Variants in DNAAF3 observed in about 807,000 individuals in gnomAD.
DNAAF3 encodes the protein dynein axonemal assembly factor 3, also known as UPF0470 protein C19orf51.
A neutral mutation model predicts 50.9 loss-of-function variants in DNAAF3; 40 were observed. The ratio of observed to expected loss-of-function variants is 0.79; its 90% CI spans 0.61 to 1.02. The LOEUF (loss-of-function observed/expected upper bound fraction) is 1.02. DNAAF3 is among the 50% of genes least tolerant of loss of function. The pLI, the probability that DNAAF3 is intolerant of heterozygous loss-of-function variation, is 0.00. For synonymous variants in DNAAF3, 327 were observed against 322.8 expected, an observed-to-expected ratio of 1.01 and a Z score of -0.14; for missense variants, 763 against 744.7, an observed-to-expected ratio of 1.02 and a Z score of -0.29.
In DNAAF3 at chr19:55,161,820, G is replaced by GCGGAA. The variant is rs1184154850; in HGVS notation, c.481_485dup (p.Glu163SerfsTer26). 7.0e-7 allele frequency: 1 copy of GCGGAA among 1,436,968 alleles called. No homozygotes were observed. Among genetic ancestry groups the GCGGAA allele is most frequent in the African/African-American group, 1.5e-5 (1 of 68,424 alleles). 89.0% of individuals were successfully genotyped at this position (1,436,968 alleles called of 1,614,324 possible). On this transcript the variant is annotated frameshift_variant, in exon 6 of 12. Coordinates refer to ENST00000524407, the MANE Select transcript of DNAAF3 (RefSeq NM_001256715.2). LOFTEE classifies it high-confidence loss of function. This position sits in a 1 kb window ranked among gnomAD's most constrained non-coding sequence, Gnocchi z 6.4. ...ATACGGCCTCCAGGGCATCCCGCTCGCGGAACTGCGGGGCCAGGCACGCGG... is the reference window on the plus strand; with the variant it reads ...ATACGGCCTCCAGGGCATCCCGCTCGCGGAACGGAACTGCGGGGCCAGGCACGCGG...
rs981904479 is a variant in DNAAF3, at chr19:55,161,019, G to A, written c.912+46C>T. 5.3e-6 allele frequency: 8 copies of A among 1,499,358 alleles called. No homozygotes were observed. In the Admixed American group the frequency reaches 6.4e-5, roughly 12 times the overall value. The allele number at this position is 1,499,358 out of a possible 1,614,324, so 92.9% of individuals were successfully genotyped here. ...GGGGGCGGGGCCTTGCGCACCCACCGACCCCCAGCCCCACCTCTACCCCCA... is the reference window on the plus strand; with the variant it reads ...GGGGGCGGGGCCTTGCGCACCCACCAACCCCCAGCCCCACCTCTACCCCCA... On this transcript the variant is annotated intron_variant, in intron 8 of 11. Coordinates refer to ENST00000524407, the MANE Select transcript of DNAAF3 (RefSeq NM_001256715.2). The surrounding 1 kb of genome is among the most constrained non-coding windows in gnomAD (Gnocchi z 6.4).
rs761934655 is a variant in DNAAF3, at chr19:55,159,290, G to A, written c.1398C>T (p.Val466=). The A allele has an allele frequency of 1.2e-6, 2 of 1,614,136 alleles. No homozygotes were observed. The highest frequency in any genetic ancestry group is 1.7e-6 in the Non-Finnish European group (2 of 1,180,048). ...GCGGAGTTCCGGGTTCCACAGCTGG[G>A]ACAGTGTTGCCCAGAGCTGATTCCT... is the stretch of plus-strand genomic sequence containing the variant. ...KSQESALGNT[V]PAVEPGTPPL... Residue 466 remains valine, a synonymous_variant, in exon 12 of 12, where the codon GTC becomes GTT. Coordinates refer to ENST00000524407, the MANE Select transcript of DNAAF3 (RefSeq NM_001256715.2).
chr19:55,166,586 C>G lies in DNAAF3; in HGVS notation c.-68G>C, dbSNP rs951115972. 5 of 1,614,072 alleles carry G rather than the reference C, an allele frequency of 3.1e-6. No individual in the cohort carries two copies. In the African/African-American group the frequency reaches 6.7e-5, roughly 22 times the overall value. ...TGCTCAGTGCAGCACTGTGGACCCG[C>G]GGCACTCCACAACCGCTGCCCAGAG... On this transcript the variant is annotated 5_prime_UTR_variant, in exon 1 of 12. Coordinates refer to ENST00000524407, the MANE Select transcript of DNAAF3 (RefSeq NM_001256715.2). This position sits in a 1 kb window ranked among gnomAD's most constrained non-coding sequence, Gnocchi z 4.0.
rs2085801859 is a variant in DNAAF3, at chr19:55,160,479, T to C, written c.1048+161A>G. Among the ~76,000 whole-genome samples, 1 of 152,228 alleles carries C rather than the reference T, an allele frequency of 6.6e-6. No individual in the cohort carries two copies. The highest frequency in any genetic ancestry group is 2.1e-4 in the South Asian group (1 of 4,834). ...CTAGTGGAATTCAGAATTCTAAGCA[T>C]GCTCTCAGAATTTAGGAAAGGGAGA... On this transcript the variant is annotated intron_variant, in intron 9 of 11. Transcript: ENST00000524407. The surrounding 1 kb of genome is among the most constrained non-coding windows in gnomAD (Gnocchi z 4.7).
chr19:55,162,872 A>G (rs1243244083), intron 4 of DNAAF3: 1 of 188,212 alleles, frequency 5.3e-6, no homozygotes, highest in East Asian at 1.9e-4. Context: ...TTGTGCCATC[A>G]TAGTTCACTG....
At position 55,162,298 on chromosome 19, in the gene DNAAF3, G is replaced by T; in HGVS notation, c.323-8C>A. On this transcript the variant is annotated splice_polypyrimidine_tract_variant and splice_region_variant and intron_variant, in intron 4 of 11. Transcript: ENST00000524407. ...GGAAGGTCTCGCTTCGCTCTACGGA[G>T]AGAGGGAGATAATTGCGGGAATGTG... 8.0e-7 allele frequency: 1 copy of T among 1,250,148 alleles called. No individual in the cohort carries two copies. Among genetic ancestry groups the T allele is most frequent in the Non-Finnish European group, 1.0e-6 (1 of 988,662 alleles). 77.4% of individuals were successfully genotyped at this position (1,250,148 alleles called of 1,614,324 possible).
chr19:55,161,019 G>T lies in DNAAF3; in HGVS notation c.912+46C>A, dbSNP rs981904479. ...GGGGGCGGGGCCTTGCGCACCCACC[G>T]ACCCCCAGCCCCACCTCTACCCCCA... is the stretch of plus-strand genomic sequence containing the variant. On this transcript the variant is annotated intron_variant, in intron 8 of 11. Transcript: ENST00000524407. The surrounding 1 kb of genome is among the most constrained non-coding windows in gnomAD (Gnocchi z 6.4). The T allele has an allele frequency of 5.3e-6, 8 of 1,499,472 alleles. No individual in the cohort carries two copies. Among genetic ancestry groups the T allele is most frequent in the Non-Finnish European group, 7.1e-6 (8 of 1,125,146 alleles). The allele number at this position is 1,499,472 out of a possible 1,614,324, so 92.9% of individuals were successfully genotyped here.
In DNAAF3 at chr19:55,166,551, C is replaced by G; in HGVS notation, c.-33G>C. On this transcript the variant is annotated 5_prime_UTR_variant, in exon 1 of 12. Coordinates refer to ENST00000524407, the MANE Select transcript of DNAAF3 (RefSeq NM_001256715.2). The surrounding 1 kb of genome is among the most constrained non-coding windows in gnomAD (Gnocchi z 4.0). ...TATCCTCCAAATATCCCGGGACGCCCCTTCCTCTCTGCTCAGTGCAGCACT... is the reference window on the plus strand; with the variant it reads ...TATCCTCCAAATATCCCGGGACGCCGCTTCCTCTCTGCTCAGTGCAGCACT... 6.2e-7 allele frequency: 1 copy of G among 1,614,222 alleles called. No individual in the cohort carries two copies.
rs375666880 is a variant in DNAAF3, at chr19:55,160,711, C to T, written c.977G>A (p.Arg326His). 16 of 1,613,210 alleles carry T rather than the reference C, an allele frequency of 9.9e-6. No homozygotes were observed. The highest frequency in any genetic ancestry group is 1.6e-4 in the Middle Eastern group (1 of 6,082). ...ELLRDVAAWG[R>H]ARATGGDLEE... ...CAGGTCCCCCCCGGTGGCTCTCGCG[C>T]GCCCCCAGGCGGCCACGTCGCGGAG... Residue 326 changes from arginine to histidine, a missense_variant, in exon 9 of 12, where the codon CGC becomes CAC. Physicochemically the swap from Arg to His is conservative, Grantham distance 29. Coordinates refer to ENST00000524407, the MANE Select transcript of DNAAF3 (RefSeq NM_001256715.2). The surrounding 1 kb of genome is among the most constrained non-coding windows in gnomAD (Gnocchi z 4.7).
At chr19:55,159,497 C>T in intron 11 of DNAAF3, 36 bp downstream of exon 11, 1 of 1,600,678 alleles carries the variant, frequency 6.2e-7, no homozygotes, top group Middle Eastern at 1.7e-4. Flanking sequence ...TGATCCCCAG[C>T]CAGGATGTTC....
In DNAAF3 at chr19:55,159,152, C is replaced by T. The variant is rs1060504731; in HGVS notation, c.1536G>A (p.Glu512=). Reference sequence around the variant, plus strand: ...GAACCTCTGAGAGTGAACCTGGAGACTCAGAGGGCAGCTGGCAGGGCTCAC... The same window carrying T: ...GAACCTCTGAGAGTGAACCTGGAGATTCAGAGGGCAGCTGGCAGGGCTCAC... ...PHCEPCQLPS[E]SPGSLSEVLA... is the part of the protein sequence containing the mutation. Residue 512 remains glutamate (E), a synonymous_variant, in exon 12 of 12, where the codon GAG becomes GAA. Coordinates refer to ENST00000524407, the MANE Select transcript of DNAAF3 (RefSeq NM_001256715.2). 2 of 1,613,650 alleles carry T rather than the reference C, an allele frequency of 1.2e-6. No individual in the cohort carries two copies. Among genetic ancestry groups the T allele is most frequent in the Non-Finnish European group, 1.7e-6 (2 of 1,180,038 alleles).
In DNAAF3 at chr19:55,161,093, A is replaced by C; in HGVS notation, c.884T>G (p.Leu295Arg). 1 of 1,543,084 alleles carries C rather than the reference A, an allele frequency of 6.5e-7. No homozygotes were observed. Among genetic ancestry groups the C allele is most frequent in the Non-Finnish European group, 8.7e-7 (1 of 1,146,306 alleles). The change falls in exon 8 of 12, where the codon CTG (leucine) becomes CGG (arginine). Residue 295 changes from leucine (L) to arginine (R), a missense_variant. By Grantham distance (102) the Leu-to-Arg change is moderately radical (BLOSUM62 -2). Transcript: ENST00000524407. This position sits in a 1 kb window ranked among gnomAD's most constrained non-coding sequence, Gnocchi z 6.4. ...FGIEADDESL[L>R]RTSNGQPVKT... ...GACTGGCTGGCCGTTGCTCGTCCGCAGGAGGCTCTCGTCGTCCGCTTCGAT... is the reference window on the plus strand; with the variant it reads ...GACTGGCTGGCCGTTGCTCGTCCGCCGGAGGCTCTCGTCGTCCGCTTCGAT...
In DNAAF3 at chr19:55,166,263, CTAAAAGG is replaced by C; in HGVS notation, c.85+59_85+65del. The stretch of plus-strand genomic sequence containing the variant: ...GCCACCGACGCTGGGACTACGAGCT[CTAAAAGG>C]CCGTCTGCTCAGGCTGGGAAGGCAG... On this transcript the variant is annotated intron_variant, in intron 2 of 11. Transcript: ENST00000524407. This position sits in a 1 kb window ranked among gnomAD's most constrained non-coding sequence, Gnocchi z 4.0. The C allele has an allele frequency of 6.3e-7, 1 of 1,582,218 alleles. No homozygotes were observed. The highest frequency in any genetic ancestry group is 1.8e-5 in the Admixed American group (1 of 54,540).
chr19:55,160,577 A>G lies in DNAAF3; in HGVS notation c.1048+63T>C. ...GGCATTCCAAATCATGTCAGTCCACACTCCAGTGTGAAACACCTGGAGGCT... is the reference window on the plus strand; with the variant it reads ...GGCATTCCAAATCATGTCAGTCCACGCTCCAGTGTGAAACACCTGGAGGCT... On this transcript the variant is annotated intron_variant, in intron 9 of 11. Transcript: ENST00000524407. This position sits in a 1 kb window ranked among gnomAD's most constrained non-coding sequence, Gnocchi z 4.7. 1 of 1,610,996 alleles carries G rather than the reference A, an allele frequency of 6.2e-7. No homozygotes were observed. Among genetic ancestry groups the G allele is most frequent in the Non-Finnish European group, 8.5e-7 (1 of 1,178,956 alleles).
rs1039669964 is a variant in DNAAF3 at position 55,160,167 on chromosome 19, A to C, written c.1049-154T>G. ...TTGCAGCTTTTTAAAAAATCCTCTA[A>C]GGTAGGCTCCTGGAAAGTTCTGGGA... On this transcript the variant is annotated intron_variant, in intron 9 of 11. Coordinates refer to ENST00000524407, the MANE Select transcript of DNAAF3 (RefSeq NM_001256715.2). The surrounding 1 kb of genome is among the most constrained non-coding windows in gnomAD (Gnocchi z 4.7). Among the ~76,000 whole-genome samples the C allele has an allele frequency of 6.6e-6, 1 of 152,200 alleles. No individual in the cohort carries two copies. The highest frequency in any genetic ancestry group is 1.5e-5 in the Non-Finnish European group (1 of 68,028).
At position 55,160,984 on chromosome 19, in the gene DNAAF3, G is replaced by A. The variant is rs1173080814; in HGVS notation, c.912+81C>T. On this transcript the variant is annotated intron_variant, in intron 8 of 11. Coordinates refer to ENST00000524407, the MANE Select transcript of DNAAF3 (RefSeq NM_001256715.2). This position sits in a 1 kb window ranked among gnomAD's most constrained non-coding sequence, Gnocchi z 4.7. ...GGGCGGGGTCTGGAGCTGGGGGCGGGGCCTGCTGTGGGGGCGGGGCCTTGC... is the reference window on the plus strand; with the variant it reads ...GGGCGGGGTCTGGAGCTGGGGGCGGAGCCTGCTGTGGGGGCGGGGCCTTGC... 2 of 1,472,782 alleles carry A rather than the reference G, an allele frequency of 1.4e-6. No individual in the cohort carries two copies. Among genetic ancestry groups the A allele is most frequent in the Non-Finnish European group, 1.8e-6 (2 of 1,114,954 alleles). The allele number at this position is 1,472,782 out of a possible 1,614,324, so 91.2% of individuals were successfully genotyped here.
In DNAAF3 at chr19:55,161,061, G is replaced by GC; in HGVS notation, c.912+3dup. ...CTACCCCCAGTCCCAGCCTCGCCGC[G>GC]CACCTTGACTGGCTGGCCGTTGCTC... On this transcript the variant is annotated splice_donor_region_variant and intron_variant, in intron 8 of 11. Coordinates refer to ENST00000524407, the MANE Select transcript of DNAAF3 (RefSeq NM_001256715.2). The surrounding 1 kb of genome is among the most constrained non-coding windows in gnomAD (Gnocchi z 6.4). 1 of 1,536,532 alleles carries GC rather than the reference G, an allele frequency of 6.5e-7. No individual in the cohort carries two copies.
In DNAAF3 at chr19:55,166,249, T is replaced by A; in HGVS notation, c.85+80A>T. ...TTAGCGCCCCCCTTGCCACCGACGC[T>A]GGGACTACGAGCTCTAAAAGGCCGT... is the stretch of plus-strand genomic sequence containing the variant. On this transcript the variant is annotated intron_variant, in intron 2 of 11. Transcript: ENST00000524407. The surrounding 1 kb of genome is among the most constrained non-coding windows in gnomAD (Gnocchi z 4.0). 1 of 1,565,686 alleles carries A rather than the reference T, an allele frequency of 6.4e-7. No homozygotes were observed. The highest frequency in any genetic ancestry group is 8.7e-7 in the Non-Finnish European group (1 of 1,155,636).
chr19:55,164,472 A>G (rs547399274), intron 4 of DNAAF3, among the ~76,000 whole-genome samples: 1 of 151,930 alleles, frequency 6.6e-6, no homozygotes, highest in African/African-American at 2.4e-5. Flanking sequence ...ACGGGACAAG[A>G]CTCTGCCTCA....
Sources: allele counts gnomAD v4.1 joint callset (sites outside exome capture counted in the v4.1 genomes callset), GRCh38; gene constraint gnomAD v4.1.1; non-coding constraint Gnocchi (gnomAD v3.1); transcripts MANE v1.5; gene names NCBI Gene and HGNC (gene_info 2026-07-23, HGNC 2026-07-21).